Variants in WFS1 observed in about 807,000 individuals in gnomAD.
The protein encoded by WFS1 is wolframin.
WFS1 carries 90 observed loss-of-function variants against 68.5 expected under a neutral mutation model. That is an observed-to-expected ratio of 1.31 (90% CI 1.11 to 1.56). The LOEUF is 1.56. WFS1 is among the 40% of genes most tolerant of loss of function. The pLI, the probability that WFS1 is intolerant of heterozygous loss-of-function variation, is 0.00. For synonymous variants in WFS1, 860 were observed against 540.7 expected (o/e 1.59, Z -8.19); for missense variants, 1,767 against 1,232.6 (o/e 1.43, Z -6.49).
intron 7 of WFS1, among the ~76,000 whole-genome samples, chr4:6,298,991 C>T (rs565098403): frequency 1.3e-5 from 2 of 152,354 alleles, no homozygotes; most frequent in African/African-American, 4.8e-5. Flanking sequence ...TCCCTACCCC[C>T]ATGTGGGGCC....
At position 6,302,049 on chromosome 4, in the gene WFS1, G is replaced by T. The variant is rs201239579; in HGVS notation, c.2254G>T (p.Glu752Ter). The T allele has an allele frequency of 5.6e-5, 90 of 1,612,754 alleles. No individual in the cohort carries two copies. Among genetic ancestry groups the T allele is most frequent in the Non-Finnish European group, 7.2e-5 (85 of 1,180,010 alleles). The change falls in exon 8 of 8, where the codon GAG (glutamate) becomes TAG (stop). Residue 752 changes from glutamate (E) to a stop codon, truncating the protein, a stop_gained. Transcript: ENST00000226760. LOFTEE classifies it high-confidence loss of function. ...CCCTGGCAACACCTCCACGGCCGAGGAGGAGCTCTGTCGCCTTAAGCTGCT... is the reference window on the plus strand; with the variant it reads ...CCCTGGCAACACCTCCACGGCCGAGTAGGAGCTCTGTCGCCTTAAGCTGCT... ...CSPGNTSTAE[E>*]ELCRLKLLAK...
chr4:6,299,437 C>T (rs1730761612), intron 7 of WFS1, among the ~76,000 whole-genome samples: 1 of 144,068 alleles, frequency 6.9e-6, no homozygotes, highest in South Asian at 2.2e-4. Context: ...TAGGTGCACA[C>T]GTGTAGGGGT....
rs1463510538 is a variant in WFS1 at position 6,301,144 on chromosome 4, A to C, written c.1349A>C (p.His450Pro). Reference sequence around the variant, plus strand: ...ACCAGCTACCTGAGCCTGAGCACCCATGCAGAGCCCTACACGCGCAGGGCC... The same window carrying C: ...ACCAGCTACCTGAGCCTGAGCACCCCTGCAGAGCCCTACACGCGCAGGGCC... The part of the protein sequence containing the change: ...TVTSYLSLST[H>P]AEPYTRRALA... The change falls in exon 8 of 8, where the codon CAT becomes CCT. Residue 450 changes from histidine to proline, a missense_variant. Coordinates refer to ENST00000226760, the MANE Select transcript of WFS1 (RefSeq NM_006005.3). 1.2e-6 allele frequency: 2 copies of C among 1,613,126 alleles called. No individual in the cohort carries two copies. The highest frequency in any genetic ancestry group is 2.2e-5 in the East Asian group (1 of 44,836).
At chr4:6,276,392 C>T (rs185574317) in intron 1 of WFS1, among the ~76,000 whole-genome samples, 83 of 152,316 alleles carry the variant, frequency 5.4e-4, no homozygotes, top group South Asian at 1.7e-3. Flanking sequence ...AAAGCCCTTG[C>T]TCCGGCGTGA....
intron 1 of WFS1, among the ~76,000 whole-genome samples, chr4:6,272,527 T>TGGGTC (rs1393712529): frequency 2.6e-5 from 4 of 152,264 alleles, no homozygotes; most frequent in African/African-American, 9.6e-5. Context: ...GCCAGGGGGC[T>TGGGTC]GGGTCAGGCC....
At chr4:6,280,481 A>G (rs1036605150) in intron 2 of WFS1, among the ~76,000 whole-genome samples, 2 of 152,104 alleles carry the variant, frequency 1.3e-5, no homozygotes, top group East Asian at 1.9e-4. Flanking sequence ...TAGAGTTGAC[A>G]CCAAGCCTCA....
intron 3 of WFS1, 129 bp from the exon 4 acceptor site, chr4:6,288,858 C>G: frequency 7.2e-7 from 1 of 1,384,262 alleles, no homozygotes; most frequent in Non-Finnish European, 1.0e-6. Context: ...CCTGGTGTGA[C>G]CCCATTTCTG....
intron 1 of WFS1, among the ~76,000 whole-genome samples, chr4:6,271,380 T>TC (rs985543321): frequency 1.3e-5 from 2 of 152,154 alleles, no homozygotes; most frequent in Non-Finnish European, 2.9e-5. Context: ...GACTTAGGCC[T>TC]CCCCTGCCCA....
At chr4:6,274,554 G>A (rs761482022) in intron 1 of WFS1, among the ~76,000 whole-genome samples, 3 of 152,152 alleles carry the variant, frequency 2.0e-5, no homozygotes, top group Non-Finnish European at 2.9e-5. Flanking sequence ...GGGCTCTGAT[G>A]GAGAGGTGAT....
rs1347594184 is a variant in WFS1, at chr4:6,270,214, C to T, written c.-6+200C>T. Among the ~76,000 whole-genome samples, 6 of 151,986 alleles carry T rather than the reference C, an allele frequency of 3.9e-5. No individual in the cohort carries two copies. The South Asian group carries it at 8.3e-4, about 21-fold the overall frequency. ...CCGCTCTGCAACGCGCAAGGCGACC[C>T]CTGTTCCGGGCCCGAACGGGTCACC... On this transcript the variant is annotated intron_variant, in intron 1 of 7. Transcript: ENST00000226760.
At chr4:6,273,192 C>T (rs1002377801) in intron 1 of WFS1, among the ~76,000 whole-genome samples, 78 of 152,350 alleles carry the variant, frequency 5.1e-4, no homozygotes, top group African/African-American at 1.8e-3. Context: ...CAGAAGGCCA[C>T]GTGTGGTCAT....
At chr4:6,285,907 G>A (rs1730297512) in intron 2 of WFS1, among the ~76,000 whole-genome samples, 1 of 152,214 alleles carries the variant, frequency 6.6e-6, no homozygotes, top group Admixed American at 6.5e-5. Flanking sequence ...TGTAAATTCA[G>A]GTAACTTCTT....
chr4:6,289,852 G>A (rs910562997), intron 4 of WFS1, among the ~76,000 whole-genome samples: 1 of 152,094 alleles, frequency 6.6e-6, no homozygotes, highest in South Asian at 2.1e-4. Context: ...AGAAAACTTG[G>A]ACTATGTAGA....
intron 7 of WFS1, among the ~76,000 whole-genome samples, 159 bp downstream of exon 7, chr4:6,295,348 T>C (rs1730608257): frequency 1.3e-5 from 2 of 152,068 alleles, no homozygotes. Context: ...TCATCTATCG[T>C]CATAAGGATG....
intron 7 of WFS1, among the ~76,000 whole-genome samples, chr4:6,296,351 G>T (rs527365975): frequency 6.6e-6 from 1 of 152,314 alleles, no homozygotes; most frequent in Admixed American, 6.5e-5. Flanking sequence ...CCAGAGCTGC[G>T]AGTCCTTTAG....
intron 6 of WFS1, among the ~76,000 whole-genome samples, chr4:6,293,241 G>A (rs1277590158): frequency 2.6e-5 from 4 of 152,128 alleles, no homozygotes; most frequent in South Asian, 2.1e-4. Context: ...GTGATGAGCC[G>A]GGCACACCTG....
At chr4:6,279,068 C>T (rs1003018947) in intron 2 of WFS1, among the ~76,000 whole-genome samples, 3 of 152,192 alleles carry the variant, frequency 2.0e-5, no homozygotes, top group Admixed American at 2.0e-4. Flanking sequence ...CACCACTGGG[C>T]CTGCAGCTGG....
chr4:6,280,281 G>A (rs953447065), intron 2 of WFS1, among the ~76,000 whole-genome samples: 5 of 152,208 alleles, frequency 3.3e-5, no homozygotes, highest in South Asian at 2.1e-4. Context: ...GGCCAGGGCC[G>A]GCACCTGCCT....
chr4:6,301,285 T>C lies in WFS1; in HGVS notation c.1490T>C (p.Val497Ala), dbSNP rs1480448906. Reference sequence around the variant, plus strand: ...ATCACCGTGCCTGTCGGCCACCTGGTCGTCCTCAACGTCAGCGTCCCGTGC... The same window carrying C: ...ATCACCGTGCCTGTCGGCCACCTGGCCGTCCTCAACGTCAGCGTCCCGTGC... ...TFITVPVGHL[V>A]VLNVSVPCLL... Residue 497 changes from valine (V) to alanine (A), a missense_variant, in exon 8 of 8, where the codon GTC (valine) becomes GCC (alanine). Val to Ala is a moderately conservative substitution (Grantham distance 64, BLOSUM62 0). Transcript: ENST00000226760. 3 of 1,611,378 alleles carry C rather than the reference T, an allele frequency of 1.9e-6. No homozygotes were observed. The highest frequency in any genetic ancestry group is 2.2e-5 in the East Asian group (1 of 44,870).
Sources: gnomAD v4.1 joint callset for allele counts (sites outside exome capture counted in the v4.1 genomes callset) on GRCh38, gnomAD v4.1.1 for gene constraint, MANE v1.5 for transcripts, NCBI Gene and HGNC (gene_info 2026-07-23, HGNC 2026-07-21) for gene names.